DOCK3: variants seen among roughly 807,000 people sequenced by gnomAD.
The protein encoded by DOCK3 is dedicator of cytokinesis protein 3.
DOCK3 carries 60 observed loss-of-function variants against 265.6 expected under a neutral mutation model. The observed-to-expected ratio is 0.23, with a 90% confidence interval of 0.18 to 0.28. The LOEUF is 0.28. Among genes scored for constraint, DOCK3 ranks in the 10% least tolerant of loss-of-function variants. The probability of loss-of-function intolerance (pLI) is 1.00; values close to 1 mark genes in which losing one functional copy is unlikely to be tolerated. For synonymous variants in DOCK3, 881 were observed against 938.0 expected (o/e 0.94, Z 1.11); for missense variants, 1,981 against 2,594.3 (o/e 0.76, Z 5.14).
intron 9 of DOCK3, among the ~76,000 whole-genome samples, chr3:51,107,733 C>T (rs371196974): frequency 8.5e-5 from 13 of 152,136 alleles, no homozygotes; most frequent in Non-Finnish European, 1.6e-4. Context: ...TGAAAGAGAT[C>T]GGGAAAATGG....
chr3:50,982,882 G>A (rs1185075923), intron 5 of DOCK3, among the ~76,000 whole-genome samples: 1 of 152,110 alleles, frequency 6.6e-6, no homozygotes, highest in African/African-American at 2.4e-5. Flanking sequence ...CTGAGTGGGA[G>A]GGAGTGGGTG....
chr3:51,270,702 A>C, intron 23 of DOCK3, 113 bp from the exon 24 acceptor site: 1 of 1,117,844 alleles, frequency 8.9e-7, no homozygotes, highest in Non-Finnish European at 1.2e-6. Flanking sequence ...CACCGAAGGC[A>C]GAGATGCTAC....
intron 5 of DOCK3, among the ~76,000 whole-genome samples, chr3:50,979,214 T>G (rs1202408375): frequency 1.3e-5 from 2 of 152,212 alleles, no homozygotes; most frequent in Non-Finnish European, 2.9e-5. Flanking sequence ...ACTACTTTAG[T>G]CAGTGTTTTG....
intron 11 of DOCK3, 99 bp from the exon 12 acceptor site, chr3:51,160,456 T>C: frequency 7.1e-7 from 1 of 1,404,518 alleles, no homozygotes. Context: ...GAGGATTTCC[T>C]AGGTGCCTGT....
Position 51,356,253 on chromosome 3 carries a change from A to G in DOCK3, c.4414A>G (p.Lys1472Glu). Reference protein sequence around the residue: ...KGPKDKENEFKSLWIERTTLT... With the variant: ...KGPKDKENEFESLWIERTTLT... ...CCCCAAGGACAAGGAGAATGAATTCAAGGTGAACAAATCTAGGAAAACGGG... is the reference window on the plus strand; with the variant it reads ...CCCCAAGGACAAGGAGAATGAATTCGAGGTGAACAAATCTAGGAAAACGGG... The change falls in exon 42 of 53, where the codon AAG (lysine) becomes GAG (glutamate). Residue 1472 changes from lysine to glutamate, a missense_variant and splice_region_variant. Lys to Glu is a moderately conservative substitution (Grantham distance 56). Coordinates refer to ENST00000266037, the MANE Select transcript of DOCK3 (RefSeq NM_004947.5). 1 of 1,559,294 alleles carries G rather than the reference A, an allele frequency of 6.4e-7. No individual in the cohort carries two copies. The highest frequency in any genetic ancestry group is 8.6e-7 in the Non-Finnish European group (1 of 1,160,828).
intron 9 of DOCK3, among the ~76,000 whole-genome samples, chr3:51,138,764 A>G (rs1015940494): frequency 9.2e-5 from 14 of 152,348 alleles, no homozygotes; most frequent in East Asian, 1.9e-4. Flanking sequence ...TCCGAAGAAT[A>G]GTACAGAAGT....
chr3:51,043,733 A>G (rs1446063898), intron 5 of DOCK3, among the ~76,000 whole-genome samples: 1 of 152,062 alleles, frequency 6.6e-6, no homozygotes, highest in African/African-American at 2.4e-5. Context: ...ACAAATTTAC[A>G]AGAAAAAAAA....
intron 2 of DOCK3, among the ~76,000 whole-genome samples, chr3:50,781,643 T>C (rs763607005): frequency 1.1e-4 from 17 of 152,136 alleles, no homozygotes; most frequent in Non-Finnish European, 1.5e-4. Flanking sequence ...AGTTTTGTTT[T>C]AGGTTCAGGG....
intron 5 of DOCK3, among the ~76,000 whole-genome samples, chr3:50,954,271 ATG>A (rs1362009612): frequency 6.6e-6 from 1 of 152,090 alleles, no homozygotes; most frequent in Non-Finnish European, 1.5e-5. Context: ...TGGGTTCAGG[ATG>A]TGTCAGGATT....
chr3:51,304,581 T>G (rs995863249), intron 27 of DOCK3, among the ~76,000 whole-genome samples: 4 of 152,178 alleles, frequency 2.6e-5, no homozygotes, highest in African/African-American at 9.7e-5. Flanking sequence ...GTGCTTGGGA[T>G]CCAAGGTCCT....
At chr3:50,757,546 A>T (rs369547171) in intron 1 of DOCK3, among the ~76,000 whole-genome samples, 7 of 149,880 alleles carry the variant, frequency 4.7e-5, no homozygotes, top group Non-Finnish European at 8.9e-5. Context: ...AAGATATGTG[A>T]TATATAGATA....
chr3:51,297,118 A>AAT (rs2082128418), intron 27 of DOCK3, among the ~76,000 whole-genome samples: 1 of 8,990 alleles, frequency 1.1e-4, no homozygotes, highest in African/African-American at 7.9e-4. Context: ...ACTCTGTCTC[A>AAT]AAAAAAAAAA....
chr3:50,939,133 GAA>G (rs1397102931), intron 5 of DOCK3, among the ~76,000 whole-genome samples: 3 of 151,922 alleles, frequency 2.0e-5, no homozygotes, highest in Admixed American at 6.6e-5. Flanking sequence ...CAGGCAAAAA[GAA>G]AATACTGTAA....
chr3:51,061,755 C>G lies in DOCK3; in HGVS notation c.316-2693C>G, dbSNP rs553630755. On this transcript the variant is annotated intron_variant, in intron 5 of 52. Transcript: ENST00000266037. The stretch of plus-strand genomic sequence containing the variant: ...AAAGAAAAATCCAGTTTTCATTTGG[C>G]TTTCATGACACATACTCTCCTGCTT... Among the ~76,000 whole-genome samples the G allele has an allele frequency of 2.7e-4, 41 of 152,160 alleles. No individual in the cohort carries two copies. The South Asian group carries it at 8.5e-3, about 32-fold the overall frequency.
chr3:50,726,432 C>G (rs2037830625), intron 1 of DOCK3, among the ~76,000 whole-genome samples: 1 of 152,076 alleles, frequency 6.6e-6, no homozygotes, highest in Admixed American at 6.5e-5. Flanking sequence ...CATACCAGGG[C>G]TAGACCTATA....
At chr3:51,248,889 C>A (rs374293420) in intron 22 of DOCK3, among the ~76,000 whole-genome samples, 2 of 116,298 alleles carry the variant, frequency 1.7e-5, no homozygotes, top group African/African-American at 3.2e-5. Flanking sequence ...GCCGCCACCC[C>A]GTCTGGGAGG....
At chr3:50,781,360 T>G (rs1325539673) in intron 2 of DOCK3, among the ~76,000 whole-genome samples, 1 of 147,634 alleles carries the variant, frequency 6.8e-6, no homozygotes, top group East Asian at 2.0e-4. Flanking sequence ...CTCGACCTCC[T>G]TGGGCTTAGG....
At chr3:50,914,097 G>A (rs926247459) in intron 4 of DOCK3, among the ~76,000 whole-genome samples, 3 of 139,164 alleles carry the variant, frequency 2.2e-5, no homozygotes, top group African/African-American at 5.0e-5. Flanking sequence ...TTTTTTTCAT[G>A]GTTAGTATAG....
intron 2 of DOCK3, among the ~76,000 whole-genome samples, chr3:50,808,891 A>T (rs138288618): frequency 6.6e-6 from 1 of 152,336 alleles, no homozygotes; most frequent in African/African-American, 2.4e-5. Flanking sequence ...CCAGTAAATG[A>T]TACTGGACCA....
Sources: allele counts gnomAD v4.1 joint callset (sites outside exome capture counted in the v4.1 genomes callset), GRCh38; gene constraint gnomAD v4.1.1; transcripts MANE v1.5; gene names NCBI Gene and HGNC (gene_info 2026-07-23, HGNC 2026-07-21).